The following MALRD1 variants were observed in gnomAD, a reference collection of about 807,000 sequenced individuals.
MALRD1 encodes the protein MAM and LDL receptor class A domain containing 1.
Under a neutral mutation model 242.1 loss-of-function variants are expected in MALRD1, and 247 were observed. The ratio of observed to expected loss-of-function variants is 1.02; its 90% CI spans 0.92 to 1.13. The LOEUF is 1.13. Among genes scored for constraint, MALRD1 ranks in the 50% most tolerant of loss-of-function variants. The pLI is 0.00. For synonymous variants in MALRD1, 995 were observed against 866.6 expected (o/e 1.15, Z -2.60); for missense variants, 2,989 against 2,533.1 (o/e 1.18, Z -3.86).
rs138604442 is a variant in MALRD1, at chr10:19,652,735, C to T, written c.6137+36812C>T. Among the ~76,000 whole-genome samples the T allele has an allele frequency of 2.9e-3, 444 of 152,276 alleles. 2 individuals carry two copies. Among genetic ancestry groups the T allele is most frequent in the African/African-American group, 0.01 (426 of 41,566 alleles). ...TGTGATTGTCATACATTACCTAACT[C>T]TTTATATAAACATTAGGGTTAGAGA... is the stretch of plus-strand genomic sequence containing the variant. On this transcript the variant is annotated intron_variant, in intron 36 of 39. Transcript: ENST00000454679.
chr10:19,381,432 T>A (rs1204556042), intron 26 of MALRD1, among the ~76,000 whole-genome samples: 1 of 152,078 alleles, frequency 6.6e-6, no homozygotes. Context: ...TTTCACAAGA[T>A]CTGCTGAAGG....
chr10:19,231,411 G>A (rs1031821900), intron 18 of MALRD1, among the ~76,000 whole-genome samples: 1 of 152,158 alleles, frequency 6.6e-6, no homozygotes, highest in African/African-American at 2.4e-5. Context: ...GTTTTCATTA[G>A]GTTCTGGACA....
At chr10:19,548,543 T>C (rs565109525) in intron 32 of MALRD1, among the ~76,000 whole-genome samples, 20 of 152,312 alleles carry the variant, frequency 1.3e-4, no homozygotes, top group African/African-American at 4.3e-4. Context: ...CTATGACTTA[T>C]TAAAATTGTC....
chr10:19,124,493 T>C (rs567399722), intron 6 of MALRD1, 31 bp from the exon 7 acceptor site: 1 of 1,233,410 alleles, frequency 8.1e-7, no homozygotes. Context: ...AGCAGACTAA[T>C]AGTCCACCAA....
intron 21 of MALRD1, among the ~76,000 whole-genome samples, chr10:19,301,633 A>C (rs1410781087): frequency 6.6e-6 from 1 of 151,836 alleles, no homozygotes. Flanking sequence ...AATACCATAT[A>C]TTCTTCTTCA....
chr10:19,324,172 C>T (rs1588910458), intron 22 of MALRD1, 67 bp downstream of exon 22: 1 of 1,415,392 alleles, frequency 7.1e-7, no homozygotes, highest in East Asian at 2.5e-5. Context: ...AATTTGGTAT[C>T]ATTAAAATAT....
intron 29 of MALRD1, among the ~76,000 whole-genome samples, chr10:19,460,160 T>G (rs1324865053): frequency 6.6e-6 from 1 of 152,150 alleles, no homozygotes; most frequent in Non-Finnish European, 1.5e-5. Flanking sequence ...AGGCTCCTAC[T>G]TTATACTCAT....
intron 14 of MALRD1, among the ~76,000 whole-genome samples, chr10:19,180,450 C>T (rs1474120490): frequency 6.6e-6 from 1 of 152,076 alleles, no homozygotes; most frequent in Non-Finnish European, 1.5e-5. Context: ...GACAAAGGCA[C>T]CAAGAGGACA....
intron 26 of MALRD1, among the ~76,000 whole-genome samples, chr10:19,375,219 C>T (rs1332775562): frequency 6.6e-6 from 1 of 151,992 alleles, no homozygotes; most frequent in East Asian, 1.9e-4. Flanking sequence ...TCAATATTCC[C>T]CAAAGTAGGT....
chr10:19,488,816 G>C (rs1589148137), intron 29 of MALRD1: 1 of 344,016 alleles, frequency 2.9e-6, no homozygotes, highest in Non-Finnish European at 5.8e-6. Context: ...CGATGGAAAG[G>C]TGTGTGGCCA....
At chr10:19,132,509 G>A (rs1176755123) in intron 8 of MALRD1, among the ~76,000 whole-genome samples, 1 of 152,170 alleles carries the variant, frequency 6.6e-6, no homozygotes, top group Non-Finnish European at 1.5e-5. Flanking sequence ...AAGCATTTGA[G>A]GGTGCAGGAC....
At chr10:19,232,213 T>G (rs1206839883) in intron 18 of MALRD1, among the ~76,000 whole-genome samples, 1 of 152,046 alleles carries the variant, frequency 6.6e-6, no homozygotes, top group Non-Finnish European at 1.5e-5. Context: ...GTTGTTTGTT[T>G]TGGAGTGTAG....
intron 33 of MALRD1, among the ~76,000 whole-genome samples, chr10:19,570,612 C>A (rs549909659): frequency 6.6e-6 from 1 of 151,708 alleles, no homozygotes; most frequent in Non-Finnish European, 1.5e-5. Context: ...AGCCAATATG[C>A]GTAATATATT....
chr10:19,273,564 G>T (rs1416555306), intron 19 of MALRD1, among the ~76,000 whole-genome samples: 2 of 152,116 alleles, frequency 1.3e-5, no homozygotes, highest in African/African-American at 4.8e-5. Context: ...AAATAAATGA[G>T]CTGTCAAGCT....
intron 9 of MALRD1, 72 bp downstream of exon 9, chr10:19,134,020 T>C (rs547430987): frequency 5.5e-4 from 372 of 675,634 alleles, no homozygotes; most frequent in Middle Eastern, 2.3e-3. Context: ...AAATTGACCA[T>C]GCACTGCTAA....
At position 19,346,892 on chromosome 10, in the gene MALRD1, C is replaced by T. The variant is rs530168416; in HGVS notation, c.3902-879C>T. ...CTTGAACTCCTGACCTTACGTGATCCACCTGCCTCAGCCTCTCAACATGCT... is the reference window on the plus strand; with the variant it reads ...CTTGAACTCCTGACCTTACGTGATCTACCTGCCTCAGCCTCTCAACATGCT... On this transcript the variant is annotated intron_variant, in intron 24 of 39. Coordinates refer to ENST00000454679, the MANE Select transcript of MALRD1 (RefSeq NM_001142308.3). 7.9e-5 allele frequency among the ~76,000 whole-genome samples: 12 copies of T among 152,214 alleles called. No homozygotes were observed. The East Asian group carries it at 2.3e-3, about 29-fold the overall frequency.
At chr10:19,641,986 TG>T (rs1267085703) in intron 36 of MALRD1, among the ~76,000 whole-genome samples, 2 of 152,166 alleles carry the variant, frequency 1.3e-5, no homozygotes, top group Non-Finnish European at 2.9e-5. Context: ...AAAAGATTAA[TG>T]CATAATCTGC....
chr10:19,221,966 C>T (rs1255151170), intron 18 of MALRD1, among the ~76,000 whole-genome samples: 2 of 152,012 alleles, frequency 1.3e-5, no homozygotes, highest in Admixed American at 6.6e-5. Flanking sequence ...TACTAATTTG[C>T]AAGAATGGGT....
intron 1 of MALRD1, among the ~76,000 whole-genome samples, chr10:19,064,009 CA>C (rs1337815813): frequency 6.6e-6 from 1 of 151,480 alleles, no homozygotes; most frequent in Non-Finnish European, 1.5e-5. Context: ...TGTTAAAGAT[CA>C]AAACTATGAG....
Sources: gnomAD v4.1 joint callset for allele counts (sites outside exome capture counted in the v4.1 genomes callset) on GRCh38, gnomAD v4.1.1 for gene constraint, MANE v1.5 for transcripts, NCBI Gene and HGNC (gene_info 2026-07-23, HGNC 2026-07-21) for gene names.